Variants in RAB3GAP2 observed in about 807,000 individuals in gnomAD.
RAB3GAP2 encodes the protein RAB3 GTPase activating non-catalytic protein subunit 2.
RAB3GAP2 carries 87 observed loss-of-function variants against 185.3 expected under a neutral mutation model. The observed-to-expected ratio is 0.47, with a 90% CI of 0.39 to 0.56. RAB3GAP2 has a LOEUF of 0.56. Among genes scored for constraint, RAB3GAP2 ranks in the 20% least tolerant of loss-of-function variants. RAB3GAP2 has a pLI of 0.00. For synonymous variants in RAB3GAP2, 554 were observed against 576.1 expected, an observed-to-expected ratio of 0.96 and a Z score of 0.55; for missense variants, 1,492 against 1,638.2, an observed-to-expected ratio of 0.91 and a Z score of 1.54.
intron 23 of RAB3GAP2, among the ~76,000 whole-genome samples, chr1:220,171,326 A>G (rs943166888): frequency 1.3e-5 from 2 of 152,208 alleles, no homozygotes; most frequent in African/African-American, 4.8e-5. Flanking sequence ...TGGTGAGTTC[A>G]GATATTTATA....
intron 13 of RAB3GAP2, 74 bp downstream of exon 13, chr1:220,193,166 A>C: frequency 5.2e-6 from 8 of 1,539,658 alleles, no homozygotes; most frequent in Non-Finnish European, 7.2e-6. Flanking sequence ...CCAGAAGCTG[A>C]AGGATGATAA....
chr1:220,151,558 A>G (rs1412982795), intron 34 of RAB3GAP2, 48 bp downstream of exon 34: 2 of 1,588,954 alleles, frequency 1.3e-6, no homozygotes, highest in Admixed American at 3.3e-5. Context: ...CAGGCACTCA[A>G]GAAAACATCC....
intron 13 of RAB3GAP2, among the ~76,000 whole-genome samples, chr1:220,191,576 T>C (rs1354176227): frequency 1.3e-5 from 2 of 152,072 alleles, no homozygotes; most frequent in Non-Finnish European, 2.9e-5. Flanking sequence ...TCCAGCACTT[T>C]GGGAAGCTGA....
intron 21 of RAB3GAP2, among the ~76,000 whole-genome samples, chr1:220,175,394 T>C (rs1257820283): frequency 6.6e-6 from 1 of 151,956 alleles, no homozygotes; most frequent in African/African-American, 2.4e-5. Context: ...AATTTTTGTA[T>C]TTTTAGGTAG....
At chr1:220,185,021 G>GT (rs1443143665) in intron 18 of RAB3GAP2, among the ~76,000 whole-genome samples, 1 of 152,052 alleles carries the variant, frequency 6.6e-6, no homozygotes, top group African/African-American at 2.4e-5. Flanking sequence ...CACAAAGCTG[G>GT]TTTTACATAA....
chr1:220,173,025 T>C (rs1199593471), intron 21 of RAB3GAP2, among the ~76,000 whole-genome samples: 1 of 152,218 alleles, frequency 6.6e-6, no homozygotes, highest in Non-Finnish European at 1.5e-5. Flanking sequence ...AGGAGCATAT[T>C]ACCAGACAGG....
In RAB3GAP2 at chr1:220,267,533, C is replaced by T. The variant is rs923869138; in HGVS notation, c.115+4690G>A. The T allele has an allele frequency of 2.4e-5, 33 of 1,363,826 alleles. No homozygotes were observed. The Admixed American group carries it at 3.0e-4, about 12-fold the overall frequency. 84.5% of individuals were successfully genotyped at this position (1,363,826 alleles called of 1,614,324 possible). On this transcript the variant is annotated intron_variant, in intron 1 of 34. Coordinates refer to ENST00000358951, the MANE Select transcript of RAB3GAP2 (RefSeq NM_012414.4). ...CGACCAATTTCAAGGTCTTCCAAAG[C>T]CCATTGCCTCTTTTTGATTCTTCAT...
At position 220,157,965 on chromosome 1, in the gene RAB3GAP2, G is replaced by A; in HGVS notation, c.3262-89C>T. 6.1e-6 allele frequency: 6 copies of A among 989,648 alleles called. No individual in the cohort carries two copies. The South Asian group carries it at 6.8e-5, about 11-fold the overall frequency. The allele number at this position is 989,648 out of a possible 1,614,324, so 61.3% of individuals were successfully genotyped here. A position where few individuals can be genotyped will look rare whatever the true frequency, so the allele number is the denominator to read the frequency against. On this transcript the variant is annotated intron_variant, in intron 29 of 34. Transcript: ENST00000358951. ...AACAAGAACCAGGATACAATACACTGGTTCAGCTGACTTTCCACACTGAAT... is the reference window on the plus strand; with the variant it reads ...AACAAGAACCAGGATACAATACACTAGTTCAGCTGACTTTCCACACTGAAT...
rs200686623 is a variant in RAB3GAP2 at position 220,190,348 on chromosome 1, G to T, written c.1631+29C>A. 46 of 1,613,650 alleles carry T rather than the reference G, an allele frequency of 2.9e-5. No homozygotes were observed. The Admixed American group carries it at 7.5e-4, about 26-fold the overall frequency. ...AACTAGGAAAAGTTAGCAGAGGAGC[G>T]TCAATCAGCAACACTGGACACACCT... On this transcript the variant is annotated intron_variant, in intron 15 of 34. Coordinates refer to ENST00000358951, the MANE Select transcript of RAB3GAP2 (RefSeq NM_012414.4).
At chr1:220,222,622 TAACTC>T (rs931893650) in intron 2 of RAB3GAP2, among the ~76,000 whole-genome samples, 7 of 152,224 alleles carry the variant, frequency 4.6e-5, no homozygotes, top group African/African-American at 7.2e-5. Context: ...TAGAGGAACT[TAACTC>T]TAACTCAGTA....
chr1:220,236,757 G>A (rs1028150261), intron 1 of RAB3GAP2, among the ~76,000 whole-genome samples: 2 of 151,842 alleles, frequency 1.3e-5, no homozygotes, highest in East Asian at 1.9e-4. Context: ...TTCTGTTCAG[G>A]CACGGTACTT....
intron 12 of RAB3GAP2, among the ~76,000 whole-genome samples, chr1:220,194,232 CT>C (rs1658681256): frequency 6.6e-6 from 1 of 150,898 alleles, no homozygotes; most frequent in East Asian, 1.9e-4. Flanking sequence ...ATGCTCCTAT[CT>C]AAAAAATAAT....
At chr1:220,222,610 A>G (rs747057242) in intron 2 of RAB3GAP2, among the ~76,000 whole-genome samples, 2 of 152,246 alleles carry the variant, frequency 1.3e-5, no homozygotes, top group Non-Finnish European at 2.9e-5. Context: ...TCTTTCTAGC[A>G]TTAGAGGAAC....
chr1:220,190,729 A>G (rs1658599857), intron 14 of RAB3GAP2, among the ~76,000 whole-genome samples: 1 of 151,982 alleles, frequency 6.6e-6, no homozygotes, highest in Non-Finnish European at 1.5e-5. Flanking sequence ...TTAAATGAAC[A>G]CAATCAGGCC....
chr1:220,237,857 AAATTAACT>A (rs1315878154), intron 1 of RAB3GAP2, among the ~76,000 whole-genome samples: 2 of 151,866 alleles, frequency 1.3e-5, no homozygotes, highest in East Asian at 1.9e-4. Context: ...ATGTAATTTT[AAATTAACT>A]AATAGCCATA....
Position 220,186,956 on chromosome 1 carries a change from C to T in RAB3GAP2, c.1780-1215G>A, listed in dbSNP as rs983488695. 2.0e-5 allele frequency among the ~76,000 whole-genome samples: 3 copies of T among 152,196 alleles called. No individual in the cohort carries two copies. In the South Asian group the frequency reaches 6.2e-4, roughly 31 times the overall value. On this transcript the variant is annotated intron_variant, in intron 17 of 34. Transcript: ENST00000358951. ...GTCATCATCATGTCATCTCTAATAA[C>T]AGAGACTTTACCCTGAGCAAAATGA...
At chr1:220,241,915 TGAA>T (rs1659704409) in intron 1 of RAB3GAP2, among the ~76,000 whole-genome samples, 1 of 152,088 alleles carries the variant, frequency 6.6e-6, no homozygotes, top group African/African-American at 2.4e-5. Flanking sequence ...TCTAAAAAGG[TGAA>T]GAAGGCTGCA....
intron 28 of RAB3GAP2, among the ~76,000 whole-genome samples, chr1:220,161,667 T>C (rs970151244): frequency 1.3e-5 from 2 of 152,176 alleles, no homozygotes; most frequent in Admixed American, 1.3e-4. Context: ...TTTGCAAAGA[T>C]TTATAGAGGA....
chr1:220,195,184 C>G lies in RAB3GAP2; in HGVS notation c.1041-17G>C. The G allele has an allele frequency of 1.2e-6, 2 of 1,613,648 alleles. No individual in the cohort carries two copies. The highest frequency in any genetic ancestry group is 1.1e-5 in the South Asian group (1 of 91,070). On this transcript the variant is annotated splice_polypyrimidine_tract_variant and intron_variant, in intron 11 of 34. Transcript: ENST00000358951. ...AGCCAACCACTGAAAAGAAAGAAAACTTAGAATATAAAACTGAGCTTCCAG... is the reference window on the plus strand; with the variant it reads ...AGCCAACCACTGAAAAGAAAGAAAAGTTAGAATATAAAACTGAGCTTCCAG...
Sources: gnomAD v4.1 joint callset for allele counts (sites outside exome capture counted in the v4.1 genomes callset) on GRCh38, gnomAD v4.1.1 for gene constraint, MANE v1.5 for transcripts, NCBI Gene and HGNC (gene_info 2026-07-23, HGNC 2026-07-21) for gene names.